ZFYVE9: variants seen among roughly 807,000 people sequenced by gnomAD.
The protein encoded by ZFYVE9 is zinc finger FYVE-type containing 9, also known as zinc finger FYVE domain-containing protein 9.
Under a neutral mutation model 126.7 loss-of-function variants are expected in ZFYVE9, and 43 were observed. That is an observed-to-expected ratio of 0.34 (90% CI 0.27 to 0.44). The LOEUF (loss-of-function observed/expected upper bound fraction) is 0.44, where lower values mean the gene tolerates loss of function less well. ZFYVE9 is among the 20% of genes least tolerant of loss of function. ZFYVE9 has a pLI of 1.00. For synonymous variants in ZFYVE9, 521 were observed against 597.4 expected, an observed-to-expected ratio of 0.87 and a Z score of 1.87; for missense variants, 1,476 against 1,697.0, an observed-to-expected ratio of 0.87 and a Z score of 2.29.
chr1:52,301,007 G>C (rs181740340), intron 12 of ZFYVE9, among the ~76,000 whole-genome samples: 85 of 151,570 alleles, frequency 5.6e-4, no homozygotes, highest in African/African-American at 2.1e-3. Context: ...TTACAGGCAT[G>C]CACCACCATG....
At chr1:52,174,010 C>G (rs899942059) in intron 1 of ZFYVE9, among the ~76,000 whole-genome samples, 11 of 151,394 alleles carry the variant, frequency 7.3e-5, no homozygotes, top group African/African-American at 2.7e-4. Flanking sequence ...TCCTTCAGTT[C>G]TGCTCTGATT....
intron 7 of ZFYVE9, among the ~76,000 whole-genome samples, chr1:52,269,463 C>G (rs1645667053): frequency 6.6e-6 from 1 of 152,102 alleles, no homozygotes; most frequent in Non-Finnish European, 1.5e-5. Context: ...CTGATGTTTT[C>G]ATAGAATTGT....
At chr1:52,200,026 G>GT (rs35432772) in intron 1 of ZFYVE9, among the ~76,000 whole-genome samples, 112,581 of 145,594 alleles carry the variant, frequency 0.77, 45,607 homozygotes, top group Non-Finnish European at 0.89. Context: ...TTTTGATCCA[G>GT]TTTTTTTTTT....
chr1:52,181,389 A>G lies in ZFYVE9; in HGVS notation c.-142-34980A>G, dbSNP rs1049320239. Among the ~76,000 whole-genome samples, 128 of 152,166 alleles carry G rather than the reference A, an allele frequency of 8.4e-4. 1 individual carries two copies. Among genetic ancestry groups the G allele is most frequent in the African/African-American group, 1.9e-3 (78 of 41,436 alleles). On this transcript the variant is annotated intron_variant, in intron 1 of 18. Coordinates refer to ENST00000287727, the MANE Select transcript of ZFYVE9 (RefSeq NM_004799.4). ...CGGAGTCTGGTTCACTCAGTGCTCA[A>G]TGGTGCCCAGGCTGGAGTGCAGTGG...
rs74477858 is a variant in ZFYVE9 at position 52,243,133 on chromosome 1, C to T, written c.2178+3538C>T. Among the ~76,000 whole-genome samples the T allele has an allele frequency of 3.9e-3, 592 of 152,284 alleles. 11 individuals carry two copies. The South Asian group carries it at 0.044, about 11-fold the overall frequency. ...ATGAGTGAGTAAATGAGTCTCAGAT[C>T]ATTGATTAATTCAACAAACACTGAG... On this transcript the variant is annotated intron_variant, in intron 4 of 18. Transcript: ENST00000287727.
chr1:52,164,195 A>G (rs1027864399), intron 1 of ZFYVE9, among the ~76,000 whole-genome samples: 17 of 151,488 alleles, frequency 1.1e-4, no homozygotes, highest in African/African-American at 4.1e-4. Flanking sequence ...TGCTTAAAAG[A>G]CAATGAGTAT....
chr1:52,225,535 G>T (rs1344860953), intron 2 of ZFYVE9, among the ~76,000 whole-genome samples: 1 of 152,222 alleles, frequency 6.6e-6, no homozygotes, highest in East Asian at 1.9e-4. Flanking sequence ...TCCTGTTTCT[G>T]TGTCTTTCCC....
chr1:52,315,877 C>T (rs142390261), intron 13 of ZFYVE9, among the ~76,000 whole-genome samples: 8 of 152,238 alleles, frequency 5.3e-5, no homozygotes, highest in South Asian at 2.1e-4. Context: ...AAGAAAAACA[C>T]GGCCGGGGCT....
intron 13 of ZFYVE9, among the ~76,000 whole-genome samples, chr1:52,319,907 G>C (rs1646222512): frequency 6.7e-6 from 1 of 150,314 alleles, no homozygotes; most frequent in Non-Finnish European, 1.5e-5. Flanking sequence ...CAGCTACTTG[G>C]GAGGCTGAGG....
chr1:52,202,275 T>A (rs1644930455), intron 1 of ZFYVE9, among the ~76,000 whole-genome samples: 1 of 152,080 alleles, frequency 6.6e-6, no homozygotes, highest in Non-Finnish European at 1.5e-5. Flanking sequence ...GTATAGTGTT[T>A]TTTTGTTTTG....
intron 1 of ZFYVE9, among the ~76,000 whole-genome samples, chr1:52,187,542 T>C (rs1297780147): frequency 6.6e-6 from 1 of 152,114 alleles, no homozygotes; most frequent in Non-Finnish European, 1.5e-5. Flanking sequence ...GGGAGAAAAT[T>C]TTTGCAAACT....
intron 1 of ZFYVE9, among the ~76,000 whole-genome samples, chr1:52,182,236 C>A (rs605076): frequency 2.0e-5 from 3 of 151,996 alleles, no homozygotes; most frequent in African/African-American, 7.2e-5. Flanking sequence ...GCCACCACCC[C>A]GTCTGGGAGG....
intron 2 of ZFYVE9, among the ~76,000 whole-genome samples, chr1:52,230,103 C>T (rs1557469052): frequency 6.6e-6 from 1 of 152,080 alleles, no homozygotes; most frequent in African/African-American, 2.4e-5. Context: ...CTCCTGACCT[C>T]GTGATCTGCC....
chr1:52,309,778 C>CA (rs1646120741), intron 13 of ZFYVE9, among the ~76,000 whole-genome samples: 1 of 152,018 alleles, frequency 6.6e-6, no homozygotes, highest in Non-Finnish European at 1.5e-5. Flanking sequence ...TTTTGGAAAA[C>CA]TGAGTTTGGT....
chr1:52,225,702 T>C (rs1490428500), intron 2 of ZFYVE9, among the ~76,000 whole-genome samples: 1 of 152,188 alleles, frequency 6.6e-6, no homozygotes, highest in Non-Finnish European at 1.5e-5. Flanking sequence ...TTACAACTTA[T>C]GACCAGGAAG....
At chr1:52,151,493 CTATG>C (rs1008980923) in intron 1 of ZFYVE9, among the ~76,000 whole-genome samples, 4 of 151,050 alleles carry the variant, frequency 2.6e-5, no homozygotes, top group Non-Finnish European at 5.9e-5. Flanking sequence ...TGTCCTGTGT[CTATG>C]TGTGTGTGTA....
intron 7 of ZFYVE9, among the ~76,000 whole-genome samples, 196 bp downstream of exon 7, chr1:52,268,828 G>C (rs1452087465): frequency 6.6e-6 from 1 of 152,192 alleles, no homozygotes; most frequent in African/African-American, 2.4e-5. Context: ...TTTTTCAGGA[G>C]AAAGGTTCTT....
chr1:52,270,436 A>T (rs544182993), intron 7 of ZFYVE9, among the ~76,000 whole-genome samples: 1 of 151,652 alleles, frequency 6.6e-6, no homozygotes, highest in South Asian at 2.1e-4. Flanking sequence ...GCTAATTTTT[A>T]TGTATTTTTA....
At chr1:52,332,716 A>G in intron 13 of ZFYVE9, 52 bp from the exon 14 acceptor site, 2 of 1,587,692 alleles carry the variant, frequency 1.3e-6, no homozygotes, top group East Asian at 2.3e-5. Context: ...GCACCATGTC[A>G]GACAGAAAAA....
Sources: allele counts gnomAD v4.1 joint callset (sites outside exome capture counted in the v4.1 genomes callset), GRCh38; gene constraint gnomAD v4.1.1; transcripts MANE v1.5; gene names NCBI Gene and HGNC (gene_info 2026-07-23, HGNC 2026-07-21).